The following RBFOX1 variants were observed in gnomAD, a reference collection of about 807,000 sequenced individuals.
The protein encoded by RBFOX1 is RNA binding fox-1 homolog 1, also known as RNA binding protein fox-1 homolog 1.
RBFOX1 carries 8 observed loss-of-function variants against 57.7 expected under a neutral mutation model. The ratio of observed to expected loss-of-function variants is 0.14; its 90% confidence interval spans 0.08 to 0.25. RBFOX1 has a LOEUF of 0.25. Ranked by LOEUF, RBFOX1 falls within the 10% of genes least tolerant of loss-of-function variation. The probability of loss-of-function intolerance (pLI) is 1.00; values close to 1 mark genes in which losing one functional copy is unlikely to be tolerated. For missense variants in RBFOX1, 611 were observed against 548.5 expected, an observed-to-expected ratio of 1.11 and a Z score of -1.14; for synonymous variants, 326 against 222.4, an observed-to-expected ratio of 1.47 and a Z score of -4.15.
At chr16:6,349,512 C>T (rs1173152574) in intron 2 of RBFOX1, among the ~76,000 whole-genome samples, 1 of 152,166 alleles carries the variant, frequency 6.6e-6, no homozygotes, top group Non-Finnish European at 1.5e-5. Context: ...TTAAAAGGAT[C>T]CCTTTGAGAA....
chr16:5,565,033 A>C (rs1396248630), intron 2 of RBFOX1, among the ~76,000 whole-genome samples: 1 of 152,186 alleles, frequency 6.6e-6, no homozygotes, highest in African/African-American at 2.4e-5. Context: ...CTAAAACATG[A>C]CAACAGTTGT....
At chr16:6,200,105 G>A (rs1598311834) in intron 1 of RBFOX1, among the ~76,000 whole-genome samples, 1 of 152,122 alleles carries the variant, frequency 6.6e-6, no homozygotes, top group Admixed American at 6.6e-5. Flanking sequence ...GACCCCATTG[G>A]AAAGGGAGCC....
intron 4 of RBFOX1, among the ~76,000 whole-genome samples, chr16:5,899,100 G>A (rs2058241179): frequency 7.4e-6 from 1 of 135,762 alleles, no homozygotes; most frequent in Non-Finnish European, 1.5e-5. Flanking sequence ...CTCAGTAGTT[G>A]CACCACTGCA....
Position 7,259,122 on chromosome 16 carries a change from T to A in RBFOX1, c.27+207024T>A, listed in dbSNP as rs560077480. On this transcript the variant is annotated intron_variant, in intron 4 of 15. Coordinates refer to ENST00000550418, the MANE Select transcript of RBFOX1 (RefSeq NM_018723.4). ...AAGCAATTTAACCTGGTTGACCATCTCCATCAATCTGTCACCTGGAGAGAA... is the reference window on the plus strand; with the variant it reads ...AAGCAATTTAACCTGGTTGACCATCACCATCAATCTGTCACCTGGAGAGAA... Among the ~76,000 whole-genome samples the A allele has an allele frequency of 4.6e-5, 7 of 152,290 alleles. No homozygotes were observed. In the South Asian group the frequency reaches 1.5e-3, roughly 32 times the overall value.
At chr16:7,304,257 C>G in intron 4 of RBFOX1, 1 of 982,400 alleles carries the variant, frequency 1.0e-6, no homozygotes, top group Non-Finnish European at 1.2e-6. Context: ...ACAGCGCGAG[C>G]CACCGGTCAT....
chr16:6,119,335 C>G (rs1191237272), intron 1 of RBFOX1, among the ~76,000 whole-genome samples: 1 of 152,036 alleles, frequency 6.6e-6, no homozygotes, highest in African/African-American at 2.4e-5. Context: ...GAAGGGATGC[C>G]ACAAAAGTGA....
intron 4 of RBFOX1, among the ~76,000 whole-genome samples, chr16:7,082,318 T>C (rs1451695089): frequency 6.6e-6 from 1 of 152,090 alleles, no homozygotes; most frequent in African/African-American, 2.4e-5. Context: ...TGGTCGTTTC[T>C]GCCTGTAATC....
chr16:6,069,093 G>A (rs1471566281), intron 1 of RBFOX1, among the ~76,000 whole-genome samples: 1 of 152,048 alleles, frequency 6.6e-6, no homozygotes, highest in Admixed American at 6.6e-5. Context: ...AGGAAGGAGC[G>A]AGGGAAGAGA....
chr16:5,622,212 G>T (rs1375244549), intron 3 of RBFOX1, among the ~76,000 whole-genome samples: 3 of 152,164 alleles, frequency 2.0e-5, no homozygotes, highest in Admixed American at 6.5e-5. Context: ...CAAAAACAGT[G>T]TTTTGACAGT....
At chr16:6,924,700 C>T (rs933673163) in intron 3 of RBFOX1, among the ~76,000 whole-genome samples, 44 of 151,142 alleles carry the variant, frequency 2.9e-4, no homozygotes, top group Non-Finnish European at 4.6e-4. Context: ...TATTATTATA[C>T]TTTAAGTTTT....
At chr16:5,363,455 C>G (rs1002937797) in intron 1 of RBFOX1, among the ~76,000 whole-genome samples, 1 of 152,182 alleles carries the variant, frequency 6.6e-6, no homozygotes, top group Non-Finnish European at 1.5e-5. Flanking sequence ...TCCTCCTTCT[C>G]TAGCTTCAGT....
intron 3 of RBFOX1, among the ~76,000 whole-genome samples, chr16:7,009,184 CTCTT>C (rs2093520931): frequency 8.8e-6 from 1 of 114,216 alleles, no homozygotes; most frequent in Non-Finnish European, 1.8e-5. Context: ...CTTGCTCTTT[CTCTT>C]TCTCTCTTCC....
chr16:6,908,267 C>G (rs187997867), intron 3 of RBFOX1, among the ~76,000 whole-genome samples: 1 of 151,710 alleles, frequency 6.6e-6, no homozygotes, highest in Admixed American at 6.6e-5. Flanking sequence ...TTCGGGTGTC[C>G]TCTCCTGCGG....
chr16:6,057,073 A>G (rs1206620921), intron 1 of RBFOX1: 4 of 138,466 alleles, frequency 2.9e-5, no homozygotes, highest in Non-Finnish European at 6.5e-5. Context: ...CCCGGAGAAC[A>G]CAGGAGGGGG....
At chr16:6,667,124 G>A (rs988840402) in intron 3 of RBFOX1, among the ~76,000 whole-genome samples, 1 of 152,078 alleles carries the variant, frequency 6.6e-6, no homozygotes, top group African/African-American at 2.4e-5. Context: ...TTGGGGGAGA[G>A]GGAGGCAGGT....
intron 4 of RBFOX1, among the ~76,000 whole-genome samples, chr16:7,223,090 G>A (rs138430084): frequency 1.4e-4 from 21 of 152,336 alleles, no homozygotes; most frequent in African/African-American, 3.4e-4. Flanking sequence ...AGCAGCCTGG[G>A]AGACTAGCAA....
chr16:5,816,026 G>T (rs2055621534), intron 3 of RBFOX1, among the ~76,000 whole-genome samples: 1 of 152,222 alleles, frequency 6.6e-6, no homozygotes, highest in Non-Finnish European at 1.5e-5. Context: ...GAGGGGCCCA[G>T]TAAAAGGACA....
intron 3 of RBFOX1, among the ~76,000 whole-genome samples, chr16:7,022,476 G>C (rs1250176727): frequency 6.6e-6 from 1 of 152,076 alleles, no homozygotes; most frequent in Admixed American, 6.5e-5. Flanking sequence ...GAGTTGGTTA[G>C]AAATGTCGTA....
chr16:7,205,754 A>C (rs1362288837), intron 4 of RBFOX1, among the ~76,000 whole-genome samples: 2 of 152,224 alleles, frequency 1.3e-5, no homozygotes, highest in Non-Finnish European at 2.9e-5. Context: ...TGAGTCTTTG[A>C]AAAGGGCAAA....
Sources: allele counts gnomAD v4.1 joint callset (sites outside exome capture counted in the v4.1 genomes callset), GRCh38; gene constraint gnomAD v4.1.1; transcripts MANE v1.5; gene names NCBI Gene and HGNC (gene_info 2026-07-23, HGNC 2026-07-21).